DEPDC5: variants seen among roughly 807,000 people sequenced by gnomAD.
DEPDC5 encodes the protein GATOR1 complex protein DEPDC5.
DEPDC5 carries 73 observed loss-of-function variants against 217.3 expected under a neutral mutation model. That is an observed-to-expected ratio of 0.34 (90% CI 0.28 to 0.41). The LOEUF (loss-of-function observed/expected upper bound fraction) is 0.41, where lower values mean the gene tolerates loss of function less well. DEPDC5 is among the 10% of genes least tolerant of loss of function. The pLI is 1.00. For missense variants in DEPDC5, 1,675 were observed against 2,070.1 expected (o/e 0.81, Z 3.70); for synonymous variants, 733 against 756.7 (o/e 0.97, Z 0.51).
rs2088468018 is a variant in DEPDC5, at chr22:31,812,312, T to C, written c.1445+1671T>C. 2.0e-5 allele frequency among the ~76,000 whole-genome samples: 3 copies of C among 151,960 alleles called. No individual in the cohort carries two copies. In the South Asian group the frequency reaches 6.2e-4, roughly 32 times the overall value. Reference sequence around the variant, plus strand: ...GGCCTCATCTTGGATTTTATGCTTATGTTTATATTATTTATGTTGACTTTC... The same window carrying C: ...GGCCTCATCTTGGATTTTATGCTTACGTTTATATTATTTATGTTGACTTTC... On this transcript the variant is annotated intron_variant, in intron 20 of 42. Coordinates refer to ENST00000651528, the MANE Select transcript of DEPDC5 (RefSeq NM_001242896.3).
intron 27 of DEPDC5, among the ~76,000 whole-genome samples, chr22:31,841,953 G>A (rs1307008038): frequency 6.6e-6 from 1 of 152,164 alleles, no homozygotes; most frequent in African/African-American, 2.4e-5. Context: ...GTTGTTCTTT[G>A]AGGCATGATT....
Position 31,906,549 on chromosome 22 carries a change from C to T in DEPDC5, c.*52C>T. 1.3e-6 allele frequency: 2 copies of T among 1,587,136 alleles called. No homozygotes were observed. The highest frequency in any genetic ancestry group is 1.7e-6 in the Non-Finnish European group (2 of 1,163,150). On this transcript the variant is annotated 3_prime_UTR_variant, in exon 43 of 43. Transcript: ENST00000651528. The surrounding 1 kb of genome is among the most constrained non-coding windows in gnomAD (Gnocchi z 5.1). ...AGGTGGGTGAGCCACTGCCCTCAAA[C>T]CCGGGGCGGAGGATTCCAGGCAGGC...
At chr22:31,817,570 C>T (rs772835064) in intron 21 of DEPDC5, 4 of 277,736 alleles carry the variant, frequency 1.4e-5, no homozygotes, top group Admixed American at 4.1e-5. Context: ...CTCACTACAG[C>T]CTCAACCTCC....
At chr22:31,761,671 A>AG (rs2082400647) in intron 4 of DEPDC5, among the ~76,000 whole-genome samples, 1 of 151,246 alleles carries the variant, frequency 6.6e-6, no homozygotes, top group Non-Finnish European at 1.5e-5. Context: ...TCAAAAAAAA[A>AG]AAAAAAAAAA....
chr22:31,782,509 C>T (rs2084556891), intron 8 of DEPDC5, among the ~76,000 whole-genome samples: 2 of 152,146 alleles, frequency 1.3e-5, no homozygotes, highest in South Asian at 4.1e-4. Flanking sequence ...TTTTACGTTC[C>T]CTCTAAACTT....
At chr22:31,889,274 T>C (rs1262534443) in intron 38 of DEPDC5, among the ~76,000 whole-genome samples, 1 of 152,244 alleles carries the variant, frequency 6.6e-6, no homozygotes, top group Non-Finnish European at 1.5e-5. Context: ...GTCTCATATC[T>C]TTATCAACAT....
At chr22:31,768,752 C>G in intron 6 of DEPDC5, 62 bp from the exon 7 acceptor site, 2 of 1,391,504 alleles carry the variant, frequency 1.4e-6, no homozygotes, top group South Asian at 1.2e-5. Flanking sequence ...ATCAATCTCT[C>G]TCTCTTTCTC....
intron 41 of DEPDC5, among the ~76,000 whole-genome samples, chr22:31,902,408 T>TTATATA (rs66813737): frequency 0.019 from 2,080 of 111,800 alleles, 36 homozygotes; most frequent in Non-Finnish European, 0.025. Flanking sequence ...CATCTCCTTA[T>TTATATA]TATATATATA....
chr22:31,764,130 C>T (rs972790208), intron 4 of DEPDC5, among the ~76,000 whole-genome samples: 3 of 151,716 alleles, frequency 2.0e-5, no homozygotes, highest in Non-Finnish European at 2.9e-5. Flanking sequence ...GGCGGGGTTT[C>T]ACCATGTTGG....
At chr22:31,759,885 G>T (rs1319821977) in intron 3 of DEPDC5, among the ~76,000 whole-genome samples, 1 of 151,448 alleles carries the variant, frequency 6.6e-6, no homozygotes, top group Non-Finnish European at 1.5e-5. Context: ...GTTTCGTCAT[G>T]TTGGCCAGGC....
intron 3 of DEPDC5, among the ~76,000 whole-genome samples, chr22:31,760,090 C>T (rs1460916804): frequency 4.8e-5 from 7 of 147,082 alleles, no homozygotes; most frequent in South Asian, 2.1e-4. Flanking sequence ...TTTTGTGAGA[C>T]GGAGTCTTGC....
chr22:31,838,954 A>T (rs1221366447), intron 27 of DEPDC5, 109 bp downstream of exon 27: 21 of 1,235,328 alleles, frequency 1.7e-5, no homozygotes, highest in Non-Finnish European at 2.1e-5. Flanking sequence ...CGTTTTCGAC[A>T]TAGAAGTTTT....
chr22:31,896,479 C>G (rs911591881), intron 39 of DEPDC5, among the ~76,000 whole-genome samples: 1 of 151,494 alleles, frequency 6.6e-6, no homozygotes, highest in Non-Finnish European at 1.5e-5. Context: ...GGAAATAATA[C>G]TTGACACAAA....
chr22:31,904,459 C>G (rs930040758), intron 41 of DEPDC5, among the ~76,000 whole-genome samples: 1 of 152,146 alleles, frequency 6.6e-6, no homozygotes, highest in Admixed American at 6.5e-5. Context: ...AGAGAGAAAG[C>G]AGGCTGGGTG....
At chr22:31,865,391 G>A (rs2092661544) in intron 33 of DEPDC5, among the ~76,000 whole-genome samples, 1 of 152,136 alleles carries the variant, frequency 6.6e-6, no homozygotes. Flanking sequence ...TTATTTGAGA[G>A]ACTGAAGAGG....
At position 31,879,755 on chromosome 22, in the gene DEPDC5, A is replaced by G. The variant is rs2093124220; in HGVS notation, c.4033+3A>G. 6.2e-7 allele frequency: 1 copy of G among 1,612,082 alleles called. No individual in the cohort carries two copies. Among genetic ancestry groups the G allele is most frequent in the Non-Finnish European group, 8.5e-7 (1 of 1,179,312 alleles). On this transcript the variant is annotated splice_donor_region_variant and intron_variant, in intron 38 of 42. Coordinates refer to ENST00000651528, the MANE Select transcript of DEPDC5 (RefSeq NM_001242896.3). ...GAGCCAGGCGGCAGCACTTTTAGGT[A>G]CATGCTCAACCCAGACAAGGTCTGA...
chr22:31,862,916 C>CT (rs1052061533), intron 33 of DEPDC5, among the ~76,000 whole-genome samples: 1 of 152,006 alleles, frequency 6.6e-6, no homozygotes, highest in Non-Finnish European at 1.5e-5. Context: ...CTTTTACTTT[C>CT]TTTTTTTTAG....
chr22:31,791,857 G>A (rs2085682148), intron 10 of DEPDC5, among the ~76,000 whole-genome samples, 176 bp from the exon 11 acceptor site: 1 of 148,524 alleles, frequency 6.7e-6, no homozygotes, highest in African/African-American at 2.5e-5. Flanking sequence ...AACCCAGGAG[G>A]CGGAGGTTGC....
At chr22:31,760,369 A>G (rs1406970230) in intron 3 of DEPDC5, among the ~76,000 whole-genome samples, 2 of 151,888 alleles carry the variant, frequency 1.3e-5, no homozygotes, top group African/African-American at 4.8e-5. Flanking sequence ...CACCCGGCCT[A>G]ATTTTTTCTA....
Sources: gnomAD v4.1 joint callset for allele counts (sites outside exome capture counted in the v4.1 genomes callset) on GRCh38, gnomAD v4.1.1 for gene constraint, Gnocchi (gnomAD v3.1) non-coding constraint, MANE v1.5 for transcripts, NCBI Gene and HGNC (gene_info 2026-07-23, HGNC 2026-07-21) for gene names.